The following GET1 variants were observed in gnomAD, a reference collection of about 807,000 sequenced individuals.
The protein encoded by GET1 is guided entry of tail-anchored proteins factor 1, also known as congenital heart disease 5 protein.
In GET1, 20 loss-of-function variants were observed where a neutral mutation model predicts 22.6. The ratio of observed to expected loss-of-function variants is 0.89; its 90% confidence interval spans 0.62 to 1.29. The LOEUF is 1.29. Ranked by LOEUF, GET1 falls within the 50% of genes most tolerant of loss-of-function variation. The probability of loss-of-function intolerance (pLI) is 0.00; values close to 1 mark genes in which losing one functional copy is unlikely to be tolerated. For missense variants in GET1, 209 were observed against 219.9 expected, an observed-to-expected ratio of 0.95 and a Z score of 0.31; for synonymous variants, 92 against 83.8, an observed-to-expected ratio of 1.10 and a Z score of -0.53.
chr21:39,381,383 C>G (rs1318737650), intron 1 of GET1, among the ~76,000 whole-genome samples: 1 of 152,196 alleles, frequency 6.6e-6, no homozygotes, highest in Non-Finnish European at 1.5e-5. Flanking sequence ...ACAGTTCTTG[C>G]TTTTCTCTCC....
intron 1 of GET1, among the ~76,000 whole-genome samples, chr21:39,414,467 C>T (rs1022294936): frequency 6.6e-6 from 1 of 152,058 alleles, no homozygotes; most frequent in Non-Finnish European, 1.5e-5. Flanking sequence ...ACCTTTGGGA[C>T]CAGACTCTTC....
At chr21:39,420,635 AATAGAC>A in intron 1 of GET1, 1 of 1,354,798 alleles carries the variant, frequency 7.4e-7, no homozygotes, top group East Asian at 2.3e-5. Flanking sequence ...TTAAAGATAT[AATAGAC>A]ATAAATAGCT....
chr21:39,392,359 C>A (rs1569039121), intron 3 of GET1, among the ~76,000 whole-genome samples: 1 of 152,042 alleles, frequency 6.6e-6, no homozygotes, highest in Non-Finnish European at 1.5e-5. Flanking sequence ...GTTGTGCTGC[C>A]CAGACACCTT....
At chr21:39,406,627 T>C (rs756770739), downstream of GET1, 10 of 1,540,262 alleles carry the variant, frequency 6.5e-6, no homozygotes, top group Admixed American at 1.9e-4. Flanking sequence ...ATTAGAAAAA[T>C]AGGCAATTTA....
intron 1 of GET1, among the ~76,000 whole-genome samples, chr21:39,385,682 G>A (rs2037837733): frequency 6.6e-6 from 1 of 150,924 alleles, no homozygotes; most frequent in Non-Finnish European, 1.5e-5. Flanking sequence ...CCATGCGAAC[G>A]GCACTACTAC....
intron 1 of GET1, among the ~76,000 whole-genome samples, chr21:39,414,738 C>CTGTGTGTGTGTG (rs763309098): frequency 0.015 from 1,598 of 107,042 alleles, 15 homozygotes; most frequent in Middle Eastern, 0.026. Flanking sequence ...CTCTCTCTCT[C>CTGTGTGTGTGTG]TCTCTGTGTG....
downstream of GET1, among the ~76,000 whole-genome samples, chr21:39,407,576 A>G (rs1454777585): frequency 6.6e-6 from 1 of 152,204 alleles, no homozygotes; most frequent in Non-Finnish European, 1.5e-5. Context: ...TAAATAAGGT[A>G]TGGCACGTGC....
At chr21:39,396,816 G>A (rs941788037) in intron 4 of GET1, 50 bp from the exon 5 acceptor site, 1 of 1,523,772 alleles carries the variant, frequency 6.6e-7, no homozygotes, top group African/African-American at 1.4e-5. Context: ...GAGACAGATG[G>A]GGGCAGCACT....
chr21:39,406,837 A>G (rs1050965094), downstream of GET1: 6 of 444,212 alleles, frequency 1.4e-5, no homozygotes, highest in Non-Finnish European at 2.0e-5. Context: ...GAATTATGAA[A>G]CCAAAAGAAA....
chr21:39,406,611 A>G (rs777511988), exon 5 of GET1: 1 of 1,563,796 alleles, frequency 6.4e-7, no homozygotes, highest in South Asian at 1.2e-5. Context: ...CCCCTGATAA[A>G]TCTATATTAG....
rs181163211 is a variant in GET1, at chr21:39,413,442, A to G, written c.*23+2505A>G. Among the ~76,000 whole-genome samples, 323 of 152,332 alleles carry G rather than the reference A, an allele frequency of 2.1e-3. 1 individual carries two copies. Among genetic ancestry groups the G allele is most frequent in the South Asian group, 6.8e-3 (33 of 4,830 alleles). ...CCTAATTTGTGGGACTGGGGCTCAT[A>G]AGGAAGTATGGCTTAGTTACAGAAA... On this transcript the variant is annotated intron_variant, in intron 1 of 1. Transcript: ENST00000478273.
intron 4 of GET1, among the ~76,000 whole-genome samples, chr21:39,393,735 T>C (rs1249927002): frequency 6.6e-6 from 1 of 152,142 alleles, no homozygotes; most frequent in Non-Finnish European, 1.5e-5. Context: ...CAACAACCTC[T>C]GCCTCCCAGG....
At chr21:39,395,686 C>T (rs1038705312) in intron 4 of GET1, among the ~76,000 whole-genome samples, 2 of 152,118 alleles carry the variant, frequency 1.3e-5, no homozygotes, top group African/African-American at 4.8e-5. Flanking sequence ...TTCAAAGACT[C>T]CCAATTTAGC....
At chr21:39,394,256 A>G (rs936585856) in intron 4 of GET1, among the ~76,000 whole-genome samples, 15 of 152,174 alleles carry the variant, frequency 9.9e-5, no homozygotes, top group Non-Finnish European at 5.9e-5. Context: ...CTTGAATCCG[A>G]GAGGTTGCAG....
In GET1 at chr21:39,397,829, C is replaced by A. The variant is rs1026006791; in HGVS notation, c.*890C>A. ...CTACTTGTTTGCTGTGAGCCACCCGCAACTGACAAGTGGCTGTTAACTGAG... is the reference window on the plus strand; with the variant it reads ...CTACTTGTTTGCTGTGAGCCACCCGAAACTGACAAGTGGCTGTTAACTGAG... On this transcript the variant is annotated 3_prime_UTR_variant, in exon 5 of 5. Coordinates refer to ENST00000649170, the MANE Select transcript of GET1 (RefSeq NM_004627.6). The A allele has an allele frequency of 1.3e-5, 2 of 152,202 alleles. No homozygotes were observed. The highest frequency in any genetic ancestry group is 4.8e-5 in the African/African-American group (2 of 41,448). The allele number at this position is 152,202 out of a possible 1,614,324, so 9.4% of individuals were successfully genotyped here.
At chr21:39,401,581 T>C (rs1026251471), downstream of GET1, among the ~76,000 whole-genome samples, 8 of 152,130 alleles carry the variant, frequency 5.3e-5, no homozygotes, top group Non-Finnish European at 1.0e-4. Flanking sequence ...TAAAAATACA[T>C]TGTTTGGTTT....
chr21:39,423,583 ACACACAC>A lies in GET1; in HGVS notation c.*24-4641_*24-4635del, dbSNP rs2074104534. On this transcript the variant is annotated intron_variant, in intron 1 of 1. Coordinates refer to the GET1 transcript ENST00000478273. ...TAATCTCTCTCCCATGCCCCCATGC[ACACACAC>A]CACACACATACACACAAGCGTAAGT... 8 of 992,298 alleles carry A rather than the reference ACACACAC, an allele frequency of 8.1e-6. 1 individual carries two copies. The South Asian group carries it at 1.5e-4, about 18-fold the overall frequency. 61.5% of individuals were successfully genotyped at this position (992,298 alleles called of 1,614,324 possible).
At chr21:39,424,466 G>A (rs1292082253) in intron 1 of GET1, among the ~76,000 whole-genome samples, 1 of 152,204 alleles carries the variant, frequency 6.6e-6, no homozygotes, top group Non-Finnish European at 1.5e-5. Flanking sequence ...GGGTGACAAA[G>A]TGAGACCCTG....
chr21:39,426,521 T>C (rs1040362555), intron 1 of GET1, among the ~76,000 whole-genome samples: 2 of 152,184 alleles, frequency 1.3e-5, no homozygotes, highest in African/African-American at 4.8e-5. Flanking sequence ...GGTGAGTGCA[T>C]ATATGGTATT....
Sources: allele counts gnomAD v4.1 joint callset (sites outside exome capture counted in the v4.1 genomes callset), GRCh38; gene constraint gnomAD v4.1.1; transcripts MANE v1.5; gene names NCBI Gene and HGNC (gene_info 2026-07-23, HGNC 2026-07-21).